Variants in NYAP2 observed in about 807,000 individuals in gnomAD.
NYAP2 encodes the protein neuronal tyrosine-phosphorylated phosphoinositide-3-kinase adapter 2.
Under a neutral mutation model 50.4 loss-of-function variants are expected in NYAP2, and 23 were observed. The observed-to-expected ratio is 0.46, with a 90% CI of 0.33 to 0.65. The LOEUF (loss-of-function observed/expected upper bound fraction) is 0.65, where lower values mean the gene tolerates loss of function less well. Among genes scored for constraint, NYAP2 ranks in the 30% least tolerant of loss-of-function variants. The pLI, the probability that NYAP2 is intolerant of heterozygous loss-of-function variation, is 0.02. For synonymous variants in NYAP2, 394 were observed against 365.2 expected, an observed-to-expected ratio of 1.08 and a Z score of -0.90; for missense variants, 885 against 861.0, an observed-to-expected ratio of 1.03 and a Z score of -0.35.
intron 5 of NYAP2, among the ~76,000 whole-genome samples, chr2:225,616,845 C>T (rs1308545777): frequency 1.3e-5 from 2 of 152,178 alleles, no homozygotes; most frequent in African/African-American, 2.4e-5. Context: ...TAATACCCAT[C>T]TGATAATGCA....
At chr2:225,587,643 C>T (rs1173077737) in intron 5 of NYAP2, among the ~76,000 whole-genome samples, 1 of 152,082 alleles carries the variant, frequency 6.6e-6, no homozygotes, top group African/African-American at 2.4e-5. Flanking sequence ...AAGAATTCCA[C>T]AGTGCAAGAG....
At chr2:225,407,527 G>A (rs866593454) in intron 2 of NYAP2, among the ~76,000 whole-genome samples, 2 of 151,982 alleles carry the variant, frequency 1.3e-5, no homozygotes, top group Middle Eastern at 3.4e-3. Context: ...TGCTAATAAA[G>A]TCTGATGAGA....
the NYAP2 span, chr2:225,700,070 G>A: frequency 6.6e-6 from 1 of 151,770 alleles, no homozygotes; most frequent in Non-Finnish European, 1.5e-5. Flanking sequence ...GTTCAGTGCT[G>A]CTCAATAAAA....
chr2:225,659,701 G>T, the NYAP2 span, among the ~76,000 whole-genome samples: 1 of 152,174 alleles, frequency 6.6e-6, no homozygotes, highest in Non-Finnish European at 1.5e-5. Context: ...ACTGGTTAGT[G>T]GCTGTAAGAC....
In NYAP2 at chr2:225,460,144, AT is replaced by A. The variant is rs1009627016; in HGVS notation, c.221+51051del. 1.2e-4 allele frequency among the ~76,000 whole-genome samples: 17 copies of A among 147,194 alleles called. 1 individual carries two copies. The highest frequency in any genetic ancestry group is 1.0e-3 in the South Asian group (5 of 4,812). On this transcript the variant is annotated intron_variant, in intron 3 of 6. Coordinates refer to ENST00000636099, the Ensembl canonical transcript of NYAP2. ...CAATTAGTTAACCAATCAAATGATG[AT>A]TTTTTTTGTATATACATTATCTATC...
At chr2:225,678,344 A>G in the NYAP2 span, among the ~76,000 whole-genome samples, 12 of 152,112 alleles carry the variant, frequency 7.9e-5, no homozygotes, top group Admixed American at 7.9e-4. Context: ...CTATCAATTT[A>G]TTTATTCTTT....
intron 4 of NYAP2, among the ~76,000 whole-genome samples, chr2:225,534,102 T>G (rs1295914993): frequency 6.6e-6 from 1 of 152,270 alleles, no homozygotes; most frequent in East Asian, 1.9e-4. Context: ...TTTCTTGATT[T>G]GATTAAAATG....
At chr2:225,698,500 C>A in the NYAP2 span, 1 of 152,308 alleles carries the variant, frequency 6.6e-6, no homozygotes, top group South Asian at 2.1e-4. Flanking sequence ...CAGCCCTCCA[C>A]CGTATTCTAA....
intron 3 of NYAP2, among the ~76,000 whole-genome samples, chr2:225,476,722 C>T (rs1383765661): frequency 6.6e-6 from 1 of 151,938 alleles, no homozygotes; most frequent in Non-Finnish European, 1.5e-5. Flanking sequence ...ACCAGTGGTC[C>T]CTAAACATAG....
intron 4 of NYAP2, among the ~76,000 whole-genome samples, chr2:225,566,061 T>A (rs1691955098): frequency 6.6e-6 from 1 of 152,198 alleles, no homozygotes; most frequent in Non-Finnish European, 1.5e-5. Flanking sequence ...ATAACTATAT[T>A]TTAATGTCTG....
intron 5 of NYAP2, among the ~76,000 whole-genome samples, chr2:225,604,692 C>T (rs1392526655): frequency 6.6e-6 from 1 of 152,058 alleles, no homozygotes; most frequent in East Asian, 1.9e-4. Context: ...TAAACAATAT[C>T]TCTCCTCCAT....
intron 2 of NYAP2, among the ~76,000 whole-genome samples, chr2:225,401,283 A>G (rs16866576): frequency 0.034 from 5,141 of 152,192 alleles, 288 homozygotes; most frequent in African/African-American, 0.12. Context: ...AAATGGTTAA[A>G]CTAGATTTTC....
At chr2:225,695,230 T>C in the NYAP2 span, among the ~76,000 whole-genome samples, 1 of 151,826 alleles carries the variant, frequency 6.6e-6, no homozygotes, top group Non-Finnish European at 1.5e-5. Context: ...TAGGTGACCC[T>C]GTTGTCAAGG....
chr2:225,512,852 TCTTC>T (rs762260450), intron 3 of NYAP2, among the ~76,000 whole-genome samples: 6,115 of 122,762 alleles, frequency 0.05, 240 homozygotes, highest in Non-Finnish European at 0.066. Context: ...TTTCTTTCTT[TCTTC>T]CTTCCTTCCT....
In NYAP2 at chr2:225,464,492, A is replaced by G. The variant is rs551082255; in HGVS notation, c.222-48879A>G. Among the ~76,000 whole-genome samples the G allele has an allele frequency of 1.5e-4, 23 of 152,268 alleles. 1 individual carries two copies. Among genetic ancestry groups the G allele is most frequent in the Middle Eastern group, 6.8e-3 (2 of 294 alleles). On this transcript the variant is annotated intron_variant, in intron 3 of 6. Coordinates refer to ENST00000636099, the Ensembl canonical transcript of NYAP2. ...GCGGGCCAGGAAGGGAGCATGAACG[A>G]TGGAGAAATTCCAATGCTAGGTCAG...
intron 6 of NYAP2, among the ~76,000 whole-genome samples, chr2:225,635,586 T>C (rs1693400162): frequency 6.6e-6 from 1 of 152,186 alleles, no homozygotes; most frequent in African/African-American, 2.4e-5. Context: ...ACATTGCAAA[T>C]ATGATAAGAT....
chr2:225,407,991 C>G (rs1023511774), intron 2 of NYAP2, among the ~76,000 whole-genome samples: 2 of 151,750 alleles, frequency 1.3e-5, no homozygotes, highest in Middle Eastern at 6.8e-3. Context: ...TATTTACAGT[C>G]TTCATCTCTC....
At chr2:225,517,581 A>G (rs1489452962) in intron 4 of NYAP2, among the ~76,000 whole-genome samples, 2 of 152,218 alleles carry the variant, frequency 1.3e-5, no homozygotes, top group Non-Finnish European at 2.9e-5. Context: ...AAAAATGATC[A>G]GATCCTGCAT....
chr2:225,409,184 G>T, intron 3 of NYAP2, 83 bp downstream of exon 3: 1 of 986,002 alleles, frequency 1.0e-6, no homozygotes, highest in South Asian at 1.6e-5. Flanking sequence ...TTGTCACTTG[G>T]TCAGAAAAGG....
Sources: gnomAD v4.1 joint callset for allele counts (sites outside exome capture counted in the v4.1 genomes callset) on GRCh38, gnomAD v4.1.1 for gene constraint, MANE v1.5 for transcripts, NCBI Gene and HGNC (gene_info 2026-07-23, HGNC 2026-07-21) for gene names.